NXPH3: variants seen among roughly 807,000 people sequenced by gnomAD.
The protein encoded by NXPH3 is neurexophilin-3.
A neutral mutation model predicts 18.8 loss-of-function variants in NXPH3; 7 were observed. The observed-to-expected ratio is 0.37, with a 90% CI of 0.21 to 0.70. The LOEUF is 0.70. Ranked by LOEUF, NXPH3 falls within the 30% of genes least tolerant of loss-of-function variation. The probability of loss-of-function intolerance (pLI) is 0.53; values close to 1 mark genes in which losing one functional copy is unlikely to be tolerated. For missense variants in NXPH3, 282 were observed against 338.1 expected (o/e 0.83, Z 1.30); for synonymous variants, 101 against 137.3 (o/e 0.74, Z 1.85).
At chr17:49,577,120 C>G (rs2071575507) in intron 1 of NXPH3, among the ~76,000 whole-genome samples, 1 of 152,134 alleles carries the variant, frequency 6.6e-6, no homozygotes, top group Admixed American at 6.5e-5. Flanking sequence ...CCTTTACCCT[C>G]CAGCCACTCA....
Position 49,581,393 on chromosome 17 carries a change from A to C in NXPH3, c.*2093A>C. 1.7e-6 allele frequency: 1 copy of C among 591,122 alleles called. No homozygotes were observed. The highest frequency in any genetic ancestry group is 2.8e-5 in the East Asian group (1 of 35,480). The allele number at this position is 591,122 out of a possible 1,614,324, so 36.6% of individuals were successfully genotyped here. A position where few individuals can be genotyped will look rare whatever the true frequency, so the allele number is the denominator to read the frequency against. ...TTGAGGAGAGGAGAGTCCTGGCAGT[A>C]AGGTAAGATGGGCTTGCCACCCCCC... On this transcript the variant is annotated 3_prime_UTR_variant, in exon 2 of 2. Coordinates refer to ENST00000328741, the MANE Select transcript of NXPH3 (RefSeq NM_007225.4).
rs1031348907 is a variant in NXPH3, at chr17:49,582,614, G to T, written c.*3314G>T. On this transcript the variant is annotated 3_prime_UTR_variant, in exon 2 of 2. Transcript: ENST00000328741. ...GGGGCTGGATGGCCCCTTAGACTGGGGGTCCCTGAGGGCAGAAGCTATGCC... is the reference window on the plus strand; with the variant it reads ...GGGGCTGGATGGCCCCTTAGACTGGTGGTCCCTGAGGGCAGAAGCTATGCC... 1 of 152,274 alleles carries T rather than the reference G, an allele frequency of 6.6e-6. No individual in the cohort carries two copies. Among genetic ancestry groups the T allele is most frequent in the Admixed American group, 6.5e-5 (1 of 15,282 alleles). The allele number at this position is 152,274 out of a possible 1,614,324, so 9.4% of individuals were successfully genotyped here.
Position 49,575,991 on chromosome 17 carries a change from C to G in NXPH3, c.-229C>G. On this transcript the variant is annotated 5_prime_UTR_variant, in exon 1 of 2. Coordinates refer to ENST00000328741, the MANE Select transcript of NXPH3 (RefSeq NM_007225.4). This position sits in a 1 kb window ranked among gnomAD's most constrained non-coding sequence, Gnocchi z 4.3. Reference sequence around the variant, plus strand: ...GGCGCTCGGGGCGCACATCTGGGACCTCGAGCGGGGGCCGTGCCGCGCGCA... The same window carrying G: ...GGCGCTCGGGGCGCACATCTGGGACGTCGAGCGGGGGCCGTGCCGCGCGCA... 2.0e-6 allele frequency: 1 copy of G among 510,938 alleles called. No individual in the cohort carries two copies. Among genetic ancestry groups the G allele is most frequent in the Non-Finnish European group, 3.4e-6 (1 of 294,512 alleles). The allele number at this position is 510,938 out of a possible 1,614,324, so 31.7% of individuals were successfully genotyped here. A position where few individuals can be genotyped will look rare whatever the true frequency, so the allele number is the denominator to read the frequency against.
chr17:49,581,680 C>A lies in NXPH3; in HGVS notation c.*2380C>A, dbSNP rs2071601210. ...CTGGAGCAGCCCACCAATGGACACCCACCGTGTGCCGTTCAGCCTCCCACA... is the reference window on the plus strand; with the variant it reads ...CTGGAGCAGCCCACCAATGGACACCAACCGTGTGCCGTTCAGCCTCCCACA... On this transcript the variant is annotated 3_prime_UTR_variant, in exon 2 of 2. Transcript: ENST00000328741. 1.4e-6 allele frequency: 1 copy of A among 702,490 alleles called. No homozygotes were observed. The highest frequency in any genetic ancestry group is 2.6e-6 in the Non-Finnish European group (1 of 385,008). 43.5% of individuals were successfully genotyped at this position (702,490 alleles called of 1,614,324 possible). A position where few individuals can be genotyped will look rare whatever the true frequency, so the allele number is the denominator to read the frequency against.
At chr17:49,576,383 G>A in intron 1 of NXPH3, 110 bp downstream of exon 1, 1 of 1,257,784 alleles carries the variant, frequency 8.0e-7, no homozygotes, top group Non-Finnish European at 1.1e-6. Flanking sequence ...GACATCCCGG[G>A]GATGGCGGGG....
intron 1 of NXPH3, 28 bp downstream of exon 1, chr17:49,576,301 A>C: frequency 6.4e-7 from 1 of 1,554,114 alleles, no homozygotes; most frequent in Non-Finnish European, 8.7e-7. Context: ...AGCTGCGCAG[A>C]GGGGCGGGGG....
In NXPH3 at chr17:49,582,133, C is replaced by T; in HGVS notation, c.*2833C>T. The T allele has an allele frequency of 2.0e-6, 1 of 506,318 alleles. No individual in the cohort carries two copies. The highest frequency in any genetic ancestry group is 3.2e-5 in the East Asian group (1 of 30,844). 31.4% of individuals were successfully genotyped at this position (506,318 alleles called of 1,614,324 possible). A position where few individuals can be genotyped will look rare whatever the true frequency, so the allele number is the denominator to read the frequency against. ...AAGGGCAAGGGGTCCATCCAACTTC[C>T]TCTGGCTAAGAAGACGTCACCTCTG... On this transcript the variant is annotated 3_prime_UTR_variant, in exon 2 of 2. Coordinates refer to ENST00000328741, the MANE Select transcript of NXPH3 (RefSeq NM_007225.4).
Position 49,581,502 on chromosome 17 carries a change from T to C in NXPH3, c.*2202T>C. On this transcript the variant is annotated 3_prime_UTR_variant, in exon 2 of 2. Transcript: ENST00000328741. ...AGAGTTGGGTGGGGCTGAGAAGCCA[T>C]CTGGTTACAGCCCACCTTGTAGGAA... 1.6e-6 allele frequency: 1 copy of C among 637,000 alleles called. No individual in the cohort carries two copies. Among genetic ancestry groups the C allele is most frequent in the Non-Finnish European group, 2.9e-6 (1 of 350,524 alleles). 39.5% of individuals were successfully genotyped at this position (637,000 alleles called of 1,614,324 possible).
In NXPH3 at chr17:49,576,166, C is replaced by T. The variant is rs938311670; in HGVS notation, c.-54C>T. On this transcript the variant is annotated 5_prime_UTR_variant, in exon 1 of 2. Transcript: ENST00000328741. Reference sequence around the variant, plus strand: ...GAAGGAGCAGGAAGGGGAAGGAGGCCTGGGACCCCGAAAAGAGAAGGGGAG... The same window carrying T: ...GAAGGAGCAGGAAGGGGAAGGAGGCTTGGGACCCCGAAAAGAGAAGGGGAG... The T allele has an allele frequency of 6.5e-7, 1 of 1,550,168 alleles. No homozygotes were observed. Among genetic ancestry groups the T allele is most frequent in the African/African-American group, 1.4e-5 (1 of 73,030 alleles).
Position 49,576,202 on chromosome 17 carries a change from C to G in NXPH3, c.-18C>G. On this transcript the variant is annotated 5_prime_UTR_variant, in exon 1 of 2. Transcript: ENST00000328741. ...AAAAGAGAAGGGGAGAGCGAGGGGA[C>G]GAGAGCGGAGGAGGAAGATGCAACT... is the stretch of plus-strand genomic sequence containing the variant. 1 of 1,561,900 alleles carries G rather than the reference C, an allele frequency of 6.4e-7. No individual in the cohort carries two copies. Among genetic ancestry groups the G allele is most frequent in the Non-Finnish European group, 8.7e-7 (1 of 1,153,102 alleles).
rs2071595311 is a variant in NXPH3, at chr17:49,580,538, T to C, written c.*1238T>C. On this transcript the variant is annotated 3_prime_UTR_variant, in exon 2 of 2. Transcript: ENST00000328741. ...CCAGCCCCGGTTCCAAGCTGTCTGA[T>C]CCCCCACGAGGAAACTTGAGCAAAC... The C allele has an allele frequency of 6.6e-6, 1 of 152,042 alleles. No homozygotes were observed. The highest frequency in any genetic ancestry group is 2.4e-5 in the African/African-American group (1 of 41,362). The allele number at this position is 152,042 out of a possible 1,614,324, so 9.4% of individuals were successfully genotyped here.
Position 49,580,291 on chromosome 17 carries a change from C to A in NXPH3, c.*991C>A, listed in dbSNP as rs576065588. On this transcript the variant is annotated 3_prime_UTR_variant, in exon 2 of 2. Transcript: ENST00000328741. ...GGAGGGGAGGGAAGTCTTGTGAAAC[C>A]GCTGATTGCTGACTTTTGTGTGAAG... 6.6e-6 allele frequency: 1 copy of A among 152,456 alleles called. No homozygotes were observed. Among genetic ancestry groups the A allele is most frequent in the Non-Finnish European group, 1.5e-5 (1 of 68,170 alleles). 9.4% of individuals were successfully genotyped at this position (152,456 alleles called of 1,614,324 possible).
chr17:49,577,902 C>G (rs1315897761), intron 1 of NXPH3: 1 of 152,250 alleles, frequency 6.6e-6, no homozygotes, highest in Non-Finnish European at 1.5e-5. Flanking sequence ...CAAACCTAAA[C>G]TATATTCGTG....
chr17:49,576,443 G>A (rs1301170203), intron 1 of NXPH3, among the ~76,000 whole-genome samples, 170 bp downstream of exon 1: 1 of 151,934 alleles, frequency 6.6e-6, no homozygotes, highest in African/African-American at 2.4e-5. Context: ...AGACTGGACA[G>A]ATAGGGTTAA....
Position 49,579,180 on chromosome 17 carries a change from C to G in NXPH3, c.639C>G (p.Ser213=). ...AGAGCTCAGCCACCTGGAGCTGCTC[C>G]CAGCCCTTCAAAGTCGTCTGTGTCT... is the stretch of plus-strand genomic sequence containing the variant. ...HAQSSATWSC[S]QPFKVVCVYI... is the part of the protein sequence containing the mutation. Residue 213 remains serine, a synonymous_variant, in exon 2 of 2, where the codon TCC becomes TCG. Transcript: ENST00000328741. The surrounding 1 kb of genome is among the most constrained non-coding windows in gnomAD (Gnocchi z 6.0). The G allele has an allele frequency of 1.2e-6, 2 of 1,612,866 alleles. No homozygotes were observed. The highest frequency in any genetic ancestry group is 1.7e-6 in the Non-Finnish European group (2 of 1,180,030).
rs575402640 is a variant in NXPH3, at chr17:49,576,491, T to C, written c.54+218T>C. 3.5e-3 allele frequency among the ~76,000 whole-genome samples: 528 copies of C among 151,858 alleles called. 4 individuals are homozygous for C. Among genetic ancestry groups the C allele is most frequent in the South Asian group, 0.01 (48 of 4,790 alleles). ...GAGGGTGCTTGGCTGGCCCACCCAC[T>C]CCGCAGCGGGTGGCTGGAGGTGCGA... On this transcript the variant is annotated intron_variant, in intron 1 of 1. Transcript: ENST00000328741.
At position 49,582,177 on chromosome 17, in the gene NXPH3, TC is replaced by T; in HGVS notation, c.*2881del. Reference sequence around the variant, plus strand: ...ACCTCTGCCCCATTGGCGAGCAGTGTCCCCATGGTGATGCCCCCCCACCATC... The same window carrying T: ...ACCTCTGCCCCATTGGCGAGCAGTGTCCCATGGTGATGCCCCCCCACCATC... On this transcript the variant is annotated 3_prime_UTR_variant, in exon 2 of 2. Coordinates refer to ENST00000328741, the MANE Select transcript of NXPH3 (RefSeq NM_007225.4). 1 of 416,124 alleles carries T rather than the reference TC, an allele frequency of 2.4e-6. No homozygotes were observed. The highest frequency in any genetic ancestry group is 4.3e-6 in the Non-Finnish European group (1 of 234,374). The allele number at this position is 416,124 out of a possible 1,614,324, so 25.8% of individuals were successfully genotyped here.
At chr17:49,576,990 C>T (rs1426410276) in intron 1 of NXPH3, among the ~76,000 whole-genome samples, 3 of 152,146 alleles carry the variant, frequency 2.0e-5, no homozygotes, top group African/African-American at 4.8e-5. Context: ...CCCGCTGACC[C>T]TCCCCGCAAT....
Position 49,578,807 on chromosome 17 carries a change from G to A in NXPH3, c.266G>A (p.Ser89Asn), listed in dbSNP as rs756532264. 12 of 1,613,958 alleles carry A rather than the reference G, an allele frequency of 7.4e-6. No individual in the cohort carries two copies. The Admixed American group carries it at 2.0e-4, about 27-fold the overall frequency. The change falls in exon 2 of 2, where the codon AGC (serine) becomes AAC (asparagine). Residue 89 changes from serine to asparagine, a missense_variant. Transcript: ENST00000328741. This position sits in a 1 kb window ranked among gnomAD's most constrained non-coding sequence, Gnocchi z 4.5. ...CAGCCCCCCAACCGCCCGAACCACAGCCCCCCACCCTCAGCCAAGGTGAAG... is the reference window on the plus strand; with the variant it reads ...CAGCCCCCCAACCGCCCGAACCACAACCCCCCACCCTCAGCCAAGGTGAAG... Reference protein sequence around the residue: ...LGQPPNRPNHSPPPSAKVKKI... With the variant: ...LGQPPNRPNHNPPPSAKVKKI...
Sources: gnomAD v4.1 joint callset for allele counts (sites outside exome capture counted in the v4.1 genomes callset) on GRCh38, gnomAD v4.1.1 for gene constraint, Gnocchi (gnomAD v3.1) non-coding constraint, MANE v1.5 for transcripts, NCBI Gene and HGNC (gene_info 2026-07-23, HGNC 2026-07-21) for gene names.